PPM1E: variants seen among roughly 807,000 people sequenced by gnomAD.
The protein encoded by PPM1E is protein phosphatase 1E.
A neutral mutation model predicts 65.9 loss-of-function variants in PPM1E; 20 were observed. The observed-to-expected ratio is 0.30, with a 90% CI of 0.21 to 0.44. The LOEUF (loss-of-function observed/expected upper bound fraction) is 0.44, where lower values mean the gene tolerates loss of function less well. PPM1E is among the 20% of genes least tolerant of loss of function. The pLI, the probability that PPM1E is intolerant of heterozygous loss-of-function variation, is 1.00. For missense variants in PPM1E, 713 were observed against 953.1 expected, an observed-to-expected ratio of 0.75 and a Z score of 3.32; for synonymous variants, 352 against 374.9, an observed-to-expected ratio of 0.94 and a Z score of 0.70.
chr17:58,794,594 T>G (rs559945300), intron 1 of PPM1E, among the ~76,000 whole-genome samples: 1 of 152,266 alleles, frequency 6.6e-6, no homozygotes, highest in East Asian at 1.9e-4. Context: ...CCCCAGTGTC[T>G]GTTGTTTCCT....
chr17:58,852,586 G>T (rs1567853757), intron 1 of PPM1E, among the ~76,000 whole-genome samples: 1 of 148,906 alleles, frequency 6.7e-6, no homozygotes, highest in Admixed American at 6.7e-5. Flanking sequence ...GACCATTTAT[G>T]TATCTTCTTT....
chr17:58,980,372 C>T lies in PPM1E; in HGVS notation c.1609C>T (p.Pro537Ser), dbSNP rs766408513. 1.2e-6 allele frequency: 2 copies of T among 1,614,150 alleles called. No homozygotes were observed. The highest frequency in any genetic ancestry group is 1.7e-6 in the Non-Finnish European group (2 of 1,180,006). The change falls in exon 7 of 7, where the codon CCA becomes TCA. Residue 537 changes from proline (P) to serine (S), a missense_variant. This residue lies in a region of PPM1E where 286 missense variants were observed against 313.8 expected (regional missense o/e 0.91). Transcript: ENST00000308249. The surrounding 1 kb of genome is among the most constrained non-coding windows in gnomAD (Gnocchi z 4.7). ...TTGGCCTCAGCACCAGTGCTCAGCA[C>T]CAGCCGACCTAGGCTATGATGGGCG... ...RPWPQHQCSAPADLGYDGRVD... is the reference protein window; with the variant it reads ...RPWPQHQCSASADLGYDGRVD...
intron 1 of PPM1E, among the ~76,000 whole-genome samples, chr17:58,779,249 C>T (rs185489072): frequency 6.8e-5 from 10 of 147,284 alleles, no homozygotes; most frequent in Admixed American, 1.4e-4. Context: ...GATCTTGGCT[C>T]ACTGCAACCT....
At chr17:58,851,095 G>A (rs1000323413) in intron 1 of PPM1E, among the ~76,000 whole-genome samples, 1 of 152,084 alleles carries the variant, frequency 6.6e-6, no homozygotes, top group African/African-American at 2.4e-5. Flanking sequence ...CATGCATCAC[G>A]TAGTTCTCGT....
At chr17:58,805,311 C>T (rs544432220) in intron 1 of PPM1E, among the ~76,000 whole-genome samples, 5 of 152,134 alleles carry the variant, frequency 3.3e-5, no homozygotes, top group African/African-American at 9.6e-5. Context: ...AGTGCAATGC[C>T]GCGATCTCGG....
At chr17:58,884,922 T>C (rs1464145746) in intron 1 of PPM1E, among the ~76,000 whole-genome samples, 3 of 152,216 alleles carry the variant, frequency 2.0e-5, no homozygotes, top group African/African-American at 7.2e-5. Context: ...CTAGAACTCC[T>C]GTTAGTAAAA....
chr17:58,816,789 TA>T (rs2050428460), intron 1 of PPM1E, among the ~76,000 whole-genome samples: 27 of 9,714 alleles, frequency 2.8e-3, no homozygotes, highest in Non-Finnish European at 3.9e-3. Context: ...TATATATATA[TA>T]TATATTTTTT....
At chr17:58,778,292 G>T (rs1400602245) in intron 1 of PPM1E, among the ~76,000 whole-genome samples, 1 of 151,848 alleles carries the variant, frequency 6.6e-6, no homozygotes, top group African/African-American at 2.4e-5. Flanking sequence ...TAGAGACGGG[G>T]TTTCACCATG....
chr17:58,890,129 A>G (rs995858147), intron 1 of PPM1E, among the ~76,000 whole-genome samples: 3 of 152,188 alleles, frequency 2.0e-5, no homozygotes, highest in African/African-American at 7.2e-5. Flanking sequence ...GCCTCTGTTC[A>G]TGACATTTTT....
intron 1 of PPM1E, among the ~76,000 whole-genome samples, chr17:58,757,460 G>T (rs973402075): frequency 6.6e-5 from 10 of 152,194 alleles, no homozygotes; most frequent in Non-Finnish European, 4.4e-5. Context: ...GAGAATACTA[G>T]TAAGTCTCTG....
At chr17:58,913,522 C>T (rs1045320328) in intron 1 of PPM1E, among the ~76,000 whole-genome samples, 3 of 152,046 alleles carry the variant, frequency 2.0e-5, no homozygotes, top group Non-Finnish European at 1.5e-5. Context: ...ATTGCAATAG[C>T]GAAGTAGTGT....
chr17:58,907,444 T>G (rs566332186), intron 1 of PPM1E, among the ~76,000 whole-genome samples: 1 of 152,324 alleles, frequency 6.6e-6, no homozygotes, highest in East Asian at 1.9e-4. Context: ...CCTATGAGTT[T>G]GAGAAGAATG....
At chr17:58,954,469 T>C (rs1187291244) in intron 1 of PPM1E, among the ~76,000 whole-genome samples, 2 of 152,204 alleles carry the variant, frequency 1.3e-5, no homozygotes, top group African/African-American at 4.8e-5. Flanking sequence ...AAAAGGCCCA[T>C]GTATCTGGTC....
chr17:58,838,652 A>AT lies in PPM1E; in HGVS notation c.464+82193dup, dbSNP rs532379210. The stretch of plus-strand genomic sequence containing the variant: ...CATATTCTTACCATATGATCTAGCA[A>AT]TTAATCGCATTTCTAGGTGCAATAG... On this transcript the variant is annotated intron_variant, in intron 1 of 6. Coordinates refer to ENST00000308249, the MANE Select transcript of PPM1E (RefSeq NM_014906.5). Among the ~76,000 whole-genome samples, 1,229 of 152,350 alleles carry AT rather than the reference A, an allele frequency of 8.1e-3. 4 individuals carry two copies. The highest frequency in any genetic ancestry group is 0.014 in the Non-Finnish European group (929 of 68,042).
At chr17:58,790,213 C>T (rs957708014) in intron 1 of PPM1E, among the ~76,000 whole-genome samples, 1 of 152,192 alleles carries the variant, frequency 6.6e-6, no homozygotes, top group East Asian at 1.9e-4. Flanking sequence ...TGTATGCCAC[C>T]ATGCCTAGCT....
chr17:58,756,968 C>G (rs575071570), intron 1 of PPM1E, among the ~76,000 whole-genome samples: 32 of 152,186 alleles, frequency 2.1e-4, no homozygotes, highest in Non-Finnish European at 4.0e-4. Context: ...TGCGAGGTGC[C>G]TCCTGCGTAA....
At chr17:58,865,481 C>A (rs2050991458) in intron 1 of PPM1E, among the ~76,000 whole-genome samples, 1 of 152,134 alleles carries the variant, frequency 6.6e-6, no homozygotes, top group African/African-American at 2.4e-5. Context: ...AGAGGTGAGG[C>A]GGGAAGATCA....
chr17:58,880,443 T>C (rs1406704276), intron 1 of PPM1E, among the ~76,000 whole-genome samples: 1 of 152,146 alleles, frequency 6.6e-6, no homozygotes, highest in African/African-American at 2.4e-5. Context: ...TGTATAAACA[T>C]AAGAACTTTA....
At chr17:58,817,409 T>C (rs2050437103) in intron 1 of PPM1E, among the ~76,000 whole-genome samples, 1 of 152,212 alleles carries the variant, frequency 6.6e-6, no homozygotes, top group Non-Finnish European at 1.5e-5. Flanking sequence ...TATTACCTTA[T>C]ATTTAAAATG....
Sources: allele counts gnomAD v4.1 joint callset (sites outside exome capture counted in the v4.1 genomes callset), GRCh38; gene constraint gnomAD v4.1.1; regional missense constraint gnomAD v4.1.1; non-coding constraint Gnocchi (gnomAD v3.1); transcripts MANE v1.5; gene names NCBI Gene and HGNC (gene_info 2026-07-23, HGNC 2026-07-21).